The following METTL15 variants were observed in gnomAD, a reference collection of about 807,000 sequenced individuals.
The protein encoded by METTL15 is methyltransferase 15, mitochondrial 12S rRNA N4-cytidine.
METTL15 carries 34 observed loss-of-function variants against 38.3 expected under a neutral mutation model. That is an observed-to-expected ratio of 0.89 (90% CI 0.68 to 1.18). The LOEUF (loss-of-function observed/expected upper bound fraction) is 1.18. Among genes scored for constraint, METTL15 ranks in the 50% most tolerant of loss-of-function variants. The probability of loss-of-function intolerance (pLI) is 0.00; values close to 1 mark genes in which losing one functional copy is unlikely to be tolerated. For missense variants in METTL15, 438 were observed against 498.4 expected, an observed-to-expected ratio of 0.88 and a Z score of 1.15; for synonymous variants, 162 against 170.9, an observed-to-expected ratio of 0.95 and a Z score of 0.41.
At chr11:28,325,342 C>T (rs1045488836) in intron 6 of METTL15, among the ~76,000 whole-genome samples, 2 of 152,174 alleles carry the variant, frequency 1.3e-5, no homozygotes, top group South Asian at 2.1e-4. Flanking sequence ...AAACTCCACC[C>T]GCTAGGCTGA....
downstream of METTL15, among the ~76,000 whole-genome samples, chr11:28,530,441 C>A (rs1851837979): frequency 6.6e-6 from 1 of 152,052 alleles, no homozygotes; most frequent in Non-Finnish European, 1.5e-5. Context: ...AAAAGGATAG[C>A]AATCTGATTT....
intron 4 of METTL15, among the ~76,000 whole-genome samples, chr11:28,265,953 C>G (rs1437190826): frequency 6.6e-6 from 1 of 152,194 alleles, no homozygotes; most frequent in Non-Finnish European, 1.5e-5. Flanking sequence ...CTAATGCTAT[C>G]CCTTCCCCCC....
chr11:28,300,694 T>C (rs1036916274), intron 6 of METTL15, among the ~76,000 whole-genome samples: 19 of 152,200 alleles, frequency 1.2e-4, no homozygotes, highest in African/African-American at 4.3e-4. Flanking sequence ...TTCATACATA[T>C]GCTATTCAGA....
chr11:28,501,773 G>A (rs1160194061), intron 6 of METTL15, among the ~76,000 whole-genome samples: 1 of 152,084 alleles, frequency 6.6e-6, no homozygotes, highest in African/African-American at 2.4e-5. Flanking sequence ...CAGTAGATAT[G>A]AGCAAGAACC....
chr11:28,315,449 G>C (rs766881916), intron 6 of METTL15, among the ~76,000 whole-genome samples: 6 of 152,204 alleles, frequency 3.9e-5, no homozygotes, highest in Non-Finnish European at 7.3e-5. Flanking sequence ...CATTCAAGAG[G>C]TGGCTTGGGT....
chr11:28,513,502 G>C (rs569192918), intron 6 of METTL15, among the ~76,000 whole-genome samples: 2 of 152,280 alleles, frequency 1.3e-5, no homozygotes, highest in East Asian at 3.9e-4. Context: ...GAGGTGCCGA[G>C]ACCAGCTCGG....
chr11:28,455,719 T>C (rs955734013), intron 6 of METTL15, among the ~76,000 whole-genome samples: 11 of 152,196 alleles, frequency 7.2e-5, no homozygotes, highest in Non-Finnish European at 1.6e-4. Context: ...TTTATTTTAT[T>C]TTTTTGAGAC....
chr11:28,436,695 C>A (rs1446629355), intron 6 of METTL15, among the ~76,000 whole-genome samples: 1 of 152,100 alleles, frequency 6.6e-6, no homozygotes, highest in African/African-American at 2.4e-5. Context: ...GAAAAGGTAG[C>A]ACATATGCCA....
chr11:28,160,505 C>A (rs947430235), intron 3 of METTL15, among the ~76,000 whole-genome samples: 1 of 151,998 alleles, frequency 6.6e-6, no homozygotes, highest in Non-Finnish European at 1.5e-5. Flanking sequence ...AGAATGATTT[C>A]CTTGATATTC....
chr11:28,431,918 T>A (rs192658993), intron 6 of METTL15, among the ~76,000 whole-genome samples: 1 of 151,946 alleles, frequency 6.6e-6, no homozygotes, highest in Non-Finnish European at 1.5e-5. Flanking sequence ...TAACAGCTAA[T>A]TGGACAACAA....
intron 3 of METTL15, chr11:28,122,282 A>G (rs1468244244): frequency 1.2e-6 from 1 of 819,334 alleles, no homozygotes; most frequent in Non-Finnish European, 1.6e-6. Flanking sequence ...CTGATGCAGA[A>G]ATTAGTTTTC....
At chr11:28,235,260 T>A (rs925232122) in intron 4 of METTL15, among the ~76,000 whole-genome samples, 4 of 152,110 alleles carry the variant, frequency 2.6e-5, no homozygotes, top group Non-Finnish European at 5.9e-5. Context: ...GCTTTGTTCT[T>A]GTGGCTTAGG....
rs140428319 is a variant in METTL15 at position 28,418,042 on chromosome 11, G to A, written c.*359-6257G>A. On this transcript the variant is annotated intron_variant and NMD_transcript_variant, in intron 5 of 7. Coordinates refer to the METTL15 transcript ENST00000532947. ...GCAGGGCTCTGTGTTTGAACCTGTG[G>A]GGGATCCGGTTTGGAGTTCTGGTAT... Among the ~76,000 whole-genome samples the A allele has an allele frequency of 3.5e-3, 533 of 152,154 alleles. 1 individual carries two copies. Among genetic ancestry groups the A allele is most frequent in the Non-Finnish European group, 5.4e-3 (370 of 67,996 alleles).
At chr11:28,417,226 A>G (rs1270312608) in intron 5 of METTL15, among the ~76,000 whole-genome samples, 1 of 152,232 alleles carries the variant, frequency 6.6e-6, no homozygotes, top group African/African-American at 2.4e-5. Context: ...AAAAGGCATA[A>G]AAAGCATTCC....
intron 4 of METTL15, among the ~76,000 whole-genome samples, chr11:28,225,661 G>A (rs1406450150): frequency 2.0e-5 from 3 of 151,054 alleles, no homozygotes; most frequent in South Asian, 2.1e-4. Context: ...TTTATAAATT[G>A]TACTAAAAAA....
rs1391283019 is a variant in METTL15, at chr11:28,519,987, T to C, written c.*425-6491T>C. 4.6e-5 allele frequency among the ~76,000 whole-genome samples: 7 copies of C among 152,210 alleles called. 1 individual carries two copies. In the South Asian group the frequency reaches 1.4e-3, roughly 32 times the overall value. On this transcript the variant is annotated intron_variant and NMD_transcript_variant, in intron 6 of 7. Transcript: ENST00000532947. ...ACACTGTAGTTAAAGCACCAGTTTT[T>C]AGCATATCACTGGGGAAGGAAGATA...
At chr11:28,378,661 C>T (rs974304816) in intron 5 of METTL15, among the ~76,000 whole-genome samples, 16 of 151,930 alleles carry the variant, frequency 1.1e-4, no homozygotes, top group Admixed American at 5.3e-4. Context: ...TGTTCCTATT[C>T]GGCCATCTTG....
At chr11:28,218,703 A>C (rs745497611) in intron 4 of METTL15, among the ~76,000 whole-genome samples, 5 of 152,034 alleles carry the variant, frequency 3.3e-5, no homozygotes, top group Admixed American at 3.3e-4. Flanking sequence ...GGTTGTCATA[A>C]ATAGCTCTTA....
intron 6 of METTL15, among the ~76,000 whole-genome samples, chr11:28,437,787 G>A (rs1850995928): frequency 6.6e-6 from 1 of 152,192 alleles, no homozygotes; most frequent in African/African-American, 2.4e-5. Context: ...TAGAGGACAT[G>A]GTTTACACAT....
Sources: gnomAD v4.1 joint callset for allele counts (sites outside exome capture counted in the v4.1 genomes callset) on GRCh38, gnomAD v4.1.1 for gene constraint, MANE v1.5 for transcripts, NCBI Gene and HGNC (gene_info 2026-07-23, HGNC 2026-07-21) for gene names.